Variants in SEMA4D observed in about 807,000 individuals in gnomAD.
The protein encoded by SEMA4D is semaphorin 4D.
A neutral mutation model predicts 74.8 loss-of-function variants in SEMA4D; 22 were observed. The ratio of observed to expected loss-of-function variants is 0.29; its 90% CI spans 0.21 to 0.42. The LOEUF (loss-of-function observed/expected upper bound fraction) is 0.42, where lower values mean the gene tolerates loss of function less well. Among genes scored for constraint, SEMA4D ranks in the 10% least tolerant of loss-of-function variants. SEMA4D has a pLI of 1.00. For synonymous variants in SEMA4D, 445 were observed against 463.7 expected, an observed-to-expected ratio of 0.96 and a Z score of 0.52; for missense variants, 937 against 1,118.4, an observed-to-expected ratio of 0.84 and a Z score of 2.31.
chr9:89,450,050 A>C (rs369948516), intron 2 of SEMA4D: 2 of 1,365,318 alleles, frequency 1.5e-6, no homozygotes, highest in East Asian at 2.3e-5. Context: ...ATCAGAACAC[A>C]CAAGTGACAG....
chr9:89,480,715 C>T (rs939038530), intron 1 of SEMA4D, among the ~76,000 whole-genome samples: 2 of 152,218 alleles, frequency 1.3e-5, no homozygotes, highest in Admixed American at 6.5e-5. Context: ...GCTCCGAGTG[C>T]GGGGCCCACC....
At chr9:89,455,257 G>A (rs1855651660) in intron 2 of SEMA4D, among the ~76,000 whole-genome samples, 1 of 152,246 alleles carries the variant, frequency 6.6e-6, no homozygotes, top group Admixed American at 6.5e-5. Flanking sequence ...CAGCCCCTTC[G>A]TCCACTCTGC....
intron 3 of SEMA4D, among the ~76,000 whole-genome samples, chr9:89,403,939 CAAAG>C (rs1411433831): frequency 1.3e-5 from 2 of 152,170 alleles, no homozygotes; most frequent in African/African-American, 4.8e-5. Flanking sequence ...CGAGAAAAAA[CAAAG>C]AGAGTCAGGT....
At chr9:89,475,563 A>AG (rs1202089636) in intron 1 of SEMA4D, among the ~76,000 whole-genome samples, 2 of 152,234 alleles carry the variant, frequency 1.3e-5, no homozygotes, top group East Asian at 3.8e-4. Context: ...GATGGAAAAG[A>AG]AAGAGAAGAG....
intron 2 of SEMA4D, among the ~76,000 whole-genome samples, chr9:89,431,654 T>C (rs890627702): frequency 1.3e-5 from 2 of 152,170 alleles, no homozygotes; most frequent in African/African-American, 4.8e-5. Context: ...TGAGCCATCA[T>C]GCTCAGCTAT....
chr9:89,392,757 T>TC (rs1840138944), intron 7 of SEMA4D, among the ~76,000 whole-genome samples: 1 of 152,160 alleles, frequency 6.6e-6, no homozygotes, highest in African/African-American at 2.4e-5. Context: ...AGACAGAGTC[T>TC]CACTCTGTCA....
chr9:89,462,959 A>AGGGGC (rs1857651168), intron 1 of SEMA4D, among the ~76,000 whole-genome samples: 1 of 25,078 alleles, frequency 4.0e-5, no homozygotes, highest in Non-Finnish European at 1.0e-4. Flanking sequence ...AGGAGGGGGG[A>AGGGGC]GCGAGCGAGG....
chr9:89,432,921 G>C (rs1849587188), intron 2 of SEMA4D, among the ~76,000 whole-genome samples: 1 of 152,230 alleles, frequency 6.6e-6, no homozygotes, highest in Non-Finnish European at 1.5e-5. Context: ...ATTCACGACA[G>C]CACTATTCAC....
chr9:89,363,372 G>A, intron 18 of SEMA4D: 1 of 1,595,762 alleles, frequency 6.3e-7, no homozygotes, highest in Non-Finnish European at 8.5e-7. Context: ...ACTGGATGTG[G>A]CAGGTGCCCT....
chr9:89,466,765 G>A (rs530193681), intron 1 of SEMA4D, among the ~76,000 whole-genome samples: 3 of 152,322 alleles, frequency 2.0e-5, no homozygotes, highest in African/African-American at 4.8e-5. Context: ...GTCCTTGTGT[G>A]CAGCAGGGAG....
rs1838534113 is a variant in SEMA4D, at chr9:89,386,482, T to A, written c.1331A>T (p.Asp444Val). The part of the protein sequence containing the change: ...TVYDVMFVST[D>V]RGALHKAISL... ...GATGGCTTTGTGCAGAGCTCCCCGG[T>A]CTGCAGGGCCAAAGCTACAGGTCAG... The change falls in exon 13 of 16, where the codon GAC (aspartate) becomes GTC (valine). Residue 444 changes from aspartate to valine, a missense_variant and splice_region_variant. Coordinates refer to ENST00000422704, the MANE Select transcript of SEMA4D (RefSeq NM_001371194.2). 1 of 1,611,828 alleles carries A rather than the reference T, an allele frequency of 6.2e-7. No homozygotes were observed. The highest frequency in any genetic ancestry group is 2.2e-5 in the East Asian group (1 of 44,868).
intron 2 of SEMA4D, among the ~76,000 whole-genome samples, chr9:89,439,715 C>T (rs1564793472): frequency 6.6e-6 from 1 of 152,142 alleles, no homozygotes; most frequent in Non-Finnish European, 1.5e-5. Flanking sequence ...GCTGGCCGGA[C>T]CCCAGAGTGC....
downstream of SEMA4D, among the ~76,000 whole-genome samples, chr9:89,373,315 G>A (rs745657313): frequency 2.0e-5 from 3 of 152,176 alleles, no homozygotes; most frequent in African/African-American, 7.2e-5. Flanking sequence ...TGGCCTCAGA[G>A]GGCCCTCACC....
In SEMA4D at chr9:89,495,428, T is replaced by G. The variant is rs145756612; in HGVS notation, c.-310+2491A>C. Among the ~76,000 whole-genome samples, 6 of 152,218 alleles carry G rather than the reference T, an allele frequency of 3.9e-5. No individual in the cohort carries two copies. In the South Asian group the frequency reaches 8.3e-4, roughly 21 times the overall value. ...CAGCAGCTATCTCCTCCAGCAGCCC[T>G]GGACCCTGGACGGCAATGGTGATGG... On this transcript the variant is annotated intron_variant, in intron 1 of 15. Transcript: ENST00000422704.
At chr9:89,441,050 C>G (rs986053973) in intron 2 of SEMA4D, among the ~76,000 whole-genome samples, 1 of 152,262 alleles carries the variant, frequency 6.6e-6, no homozygotes, top group Non-Finnish European at 1.5e-5. Flanking sequence ...CTAAGAACAA[C>G]AAGCCACTCT....
At chr9:89,483,601 TCAG>T (rs1422513165) in intron 1 of SEMA4D, among the ~76,000 whole-genome samples, 2 of 152,122 alleles carry the variant, frequency 1.3e-5, no homozygotes, top group East Asian at 3.8e-4. Context: ...CACATGGGGG[TCAG>T]TAGTTCTCAA....
At chr9:89,380,331 C>A (rs760339595) in intron 15 of SEMA4D, among the ~76,000 whole-genome samples, 8 of 151,810 alleles carry the variant, frequency 5.3e-5, no homozygotes, top group Non-Finnish European at 1.2e-4. Context: ...CTGTGCCCGG[C>A]CAGCTTTTGT....
intron 1 of SEMA4D, among the ~76,000 whole-genome samples, chr9:89,459,129 TAGAGACCCC>T (rs1440439320): frequency 5.9e-5 from 9 of 152,174 alleles, no homozygotes; most frequent in African/African-American, 1.9e-4. Context: ...CGCAGCCTCC[TAGAGACCCC>T]ATGTGCCTGT....
rs1238825493 is a variant in SEMA4D, at chr9:89,388,576, G to A, written c.1107+60C>T. The stretch of plus-strand genomic sequence containing the variant: ...ATGAGCAGGCCCCAGTGCCTGTACT[G>A]GATTCCATGCCCTGGGCCTTGAAGG... On this transcript the variant is annotated intron_variant, in intron 11 of 15. Transcript: ENST00000422704. 7 of 1,554,896 alleles carry A rather than the reference G, an allele frequency of 4.5e-6. No homozygotes were observed. The African/African-American group carries it at 8.3e-5, about 18-fold the overall frequency.
Sources: allele counts gnomAD v4.1 joint callset (sites outside exome capture counted in the v4.1 genomes callset), GRCh38; gene constraint gnomAD v4.1.1; transcripts MANE v1.5; gene names NCBI Gene and HGNC (gene_info 2026-07-23, HGNC 2026-07-21).